The following TFCP2 variants were observed in gnomAD, a reference collection of about 807,000 sequenced individuals.
TFCP2 encodes transcription factor CP2, also known as alpha-globin transcription factor CP2.
A neutral mutation model predicts 73.4 loss-of-function variants in TFCP2; 33 were observed. That is an observed-to-expected ratio of 0.45 (90% CI 0.34 to 0.60). The LOEUF is 0.60. Among genes scored for constraint, TFCP2 ranks in the 20% least tolerant of loss-of-function variants. The pLI, the probability that TFCP2 is intolerant of heterozygous loss-of-function variation, is 0.01. For missense variants in TFCP2, 352 were observed against 604.0 expected (o/e 0.58, Z 4.37); for synonymous variants, 193 against 211.6 (o/e 0.91, Z 0.76).
At chr12:51,166,489 G>T (rs1310909336) in intron 1 of TFCP2, among the ~76,000 whole-genome samples, 1 of 152,032 alleles carries the variant, frequency 6.6e-6, no homozygotes, top group Non-Finnish European at 1.5e-5. Context: ...TCAGGAATTA[G>T]GGGACAGCTC....
chr12:51,132,590 C>T (rs1029846632), intron 1 of TFCP2, among the ~76,000 whole-genome samples: 5 of 151,660 alleles, frequency 3.3e-5, no homozygotes, highest in East Asian at 3.9e-4. Flanking sequence ...ACGCTGGTCT[C>T]GAACTCCTGA....
At chr12:51,136,239 G>A (rs1431902689) in intron 1 of TFCP2, among the ~76,000 whole-genome samples, 1 of 151,556 alleles carries the variant, frequency 6.6e-6, no homozygotes, top group Non-Finnish European at 1.5e-5. Context: ...AACTTGGGAG[G>A]TGGAGGTTGC....
In TFCP2 at chr12:51,110,963, T is replaced by A; in HGVS notation, c.478A>T (p.Ile160Leu). The change falls in exon 5 of 15, where the codon ATA becomes TTA. Residue 160 changes from isoleucine to leucine, a missense_variant. Physicochemically the swap from Ile to Leu is conservative, Grantham distance 5. Around this residue, in one of 6 missense-constraint regions of TFCP2, gnomAD observed 31 missense variants for 43.7 expected, o/e 0.71. Transcript: ENST00000257915. ...GTTGGATTAGCCCTAGGATCGATTA[T>A]ACCCACAGACATCGGGATATCTGAG... ...LDIDIPMSVGIIDPRANPTQL... is the reference protein window; with the variant it reads ...LDIDIPMSVGLIDPRANPTQL... 1.2e-6 allele frequency: 2 copies of A among 1,613,610 alleles called. No homozygotes were observed. The highest frequency in any genetic ancestry group is 1.7e-6 in the Non-Finnish European group (2 of 1,179,544).
chr12:51,099,819 A>T (rs1262577562), intron 11 of TFCP2, 40 bp from the exon 12 acceptor site: 2 of 1,605,316 alleles, frequency 1.2e-6, no homozygotes, highest in African/African-American at 2.7e-5. Flanking sequence ...TACATTCTTT[A>T]TGGTAAGCAC....
chr12:51,169,190 A>C (rs1941811060), intron 1 of TFCP2, among the ~76,000 whole-genome samples: 1 of 152,156 alleles, frequency 6.6e-6, no homozygotes, highest in Admixed American at 6.5e-5. Context: ...AATTAATAGA[A>C]TAGATTAAAT....
intron 1 of TFCP2, chr12:51,124,770 AC>A: frequency 1.3e-6 from 1 of 777,694 alleles, no homozygotes. Flanking sequence ...CTGCTGCTCA[AC>A]CTTTTTCTGC....
chr12:51,100,457 T>C (rs763874278), intron 11 of TFCP2, among the ~76,000 whole-genome samples: 1 of 152,198 alleles, frequency 6.6e-6, no homozygotes, highest in Non-Finnish European at 1.5e-5. Flanking sequence ...CCACAAGTCA[T>C]CAACCCCTGA....
chr12:51,150,415 C>T (rs931761914), intron 1 of TFCP2, among the ~76,000 whole-genome samples: 1 of 150,334 alleles, frequency 6.7e-6, no homozygotes, highest in East Asian at 1.9e-4. Flanking sequence ...GAGCCTCCAT[C>T]TCGAAAAAAA....
intron 1 of TFCP2, among the ~76,000 whole-genome samples, chr12:51,166,914 A>G (rs1435054479): frequency 6.6e-6 from 1 of 152,164 alleles, no homozygotes; most frequent in African/African-American, 2.4e-5. Flanking sequence ...AACCATCATC[A>G]CAAACAATTT....
chr12:51,110,574 A>C (rs969488261), intron 5 of TFCP2, among the ~76,000 whole-genome samples: 12 of 152,078 alleles, frequency 7.9e-5, no homozygotes, highest in African/African-American at 7.2e-5. Context: ...GTCCCCCCCC[A>C]AAAAAATTAT....
chr12:51,170,055 T>C (rs1015226521), intron 1 of TFCP2, among the ~76,000 whole-genome samples: 3 of 152,226 alleles, frequency 2.0e-5, no homozygotes, highest in African/African-American at 7.2e-5. Flanking sequence ...AATCAAACTT[T>C]TTGCTGTGAA....
chr12:51,100,473 C>T (rs182435749), intron 11 of TFCP2, among the ~76,000 whole-genome samples: 17 of 152,268 alleles, frequency 1.1e-4, no homozygotes, highest in Admixed American at 1.1e-3. Context: ...CCTGATTTCA[C>T]TTCCTTCCTT....
rs1940123499 is a variant in TFCP2, at chr12:51,102,093, G to T, written c.1061-68C>A. 12 of 1,128,322 alleles carry T rather than the reference G, an allele frequency of 1.1e-5. No individual in the cohort carries two copies. The Admixed American group carries it at 1.9e-4, about 18-fold the overall frequency. 69.9% of individuals were successfully genotyped at this position (1,128,322 alleles called of 1,614,324 possible). A position where few individuals can be genotyped will look rare whatever the true frequency, so the allele number is the denominator to read the frequency against. ...TCTTTGTTAATGACTATTAAAATGG[G>T]CTGTATTATAAGGACACCTCATTAC... On this transcript the variant is annotated intron_variant, in intron 10 of 14. Transcript: ENST00000257915.
At chr12:51,160,246 C>T (rs571466736) in intron 1 of TFCP2, among the ~76,000 whole-genome samples, 1 of 151,594 alleles carries the variant, frequency 6.6e-6, no homozygotes, top group South Asian at 2.1e-4. Context: ...AGCGATTCTC[C>T]TGCCTCAGCC....
rs1045571959 is a variant in TFCP2 at position 51,128,502 on chromosome 12, C to A, written c.123-9730G>T. 4.0e-3 allele frequency among the ~76,000 whole-genome samples: 580 copies of A among 143,918 alleles called. 2 individuals are homozygous for A. The highest frequency in any genetic ancestry group is 0.012 in the African/African-American group (476 of 39,186). 94.4% of individuals were successfully genotyped at this position (143,918 alleles called of 152,430 possible). A position where few individuals can be genotyped will look rare whatever the true frequency, so the allele number is the denominator to read the frequency against. The stretch of plus-strand genomic sequence containing the variant: ...ATAAAAAAAAAAAAAACAAAAAAAA[C>A]AAACTAGTATTGGGAACATCTAGAA... On this transcript the variant is annotated intron_variant, in intron 1 of 14. Transcript: ENST00000257915.
At chr12:51,170,354 A>ATTTTTT (rs1565583653) in intron 1 of TFCP2, among the ~76,000 whole-genome samples, 5 of 90,072 alleles carry the variant, frequency 5.6e-5, no homozygotes, top group African/African-American at 4.8e-5. Flanking sequence ...TTTTTTTTTA[A>ATTTTTT]TTTTAAGAGA....
At chr12:51,157,287 GC>G (rs1022519197) in intron 1 of TFCP2, among the ~76,000 whole-genome samples, 4 of 152,016 alleles carry the variant, frequency 2.6e-5, no homozygotes, top group Admixed American at 1.3e-4. Flanking sequence ...CTCCCAAAGT[GC>G]TGGGATTACA....
chr12:51,163,546 C>T (rs984403015), intron 1 of TFCP2, among the ~76,000 whole-genome samples: 11 of 151,840 alleles, frequency 7.2e-5, no homozygotes, highest in African/African-American at 7.3e-5. Flanking sequence ...GCCAAGATCA[C>T]GCCACTGTAC....
intron 1 of TFCP2, among the ~76,000 whole-genome samples, chr12:51,131,751 C>G (rs1246233441): frequency 6.6e-6 from 1 of 152,154 alleles, no homozygotes; most frequent in Non-Finnish European, 1.5e-5. Flanking sequence ...GATTTATTAC[C>G]TACTAAGTAC....
Sources: allele counts gnomAD v4.1 joint callset (sites outside exome capture counted in the v4.1 genomes callset), GRCh38; gene constraint gnomAD v4.1.1; regional missense constraint gnomAD v4.1.1; transcripts MANE v1.5; gene names NCBI Gene and HGNC (gene_info 2026-07-23, HGNC 2026-07-21).